Variants in SLC25A21 observed in about 807,000 individuals in gnomAD.
The protein encoded by SLC25A21 is solute carrier family 25 member 21.
In SLC25A21, 47 loss-of-function variants were observed where a neutral mutation model predicts 43.8. That is an observed-to-expected ratio of 1.07 (90% CI 0.85 to 1.37). SLC25A21 has a LOEUF of 1.37. Ranked by LOEUF, SLC25A21 falls within the 40% of genes most tolerant of loss-of-function variation. The pLI, the probability that SLC25A21 is intolerant of heterozygous loss-of-function variation, is 0.00. For synonymous variants in SLC25A21, 131 were observed against 121.3 expected (o/e 1.08, Z -0.52); for missense variants, 352 against 350.2 (o/e 1.00, Z -0.04).
intron 2 of SLC25A21, among the ~76,000 whole-genome samples, chr14:36,847,647 T>A (rs565428047): frequency 1.3e-5 from 2 of 152,106 alleles, no homozygotes; most frequent in South Asian, 4.2e-4. Flanking sequence ...GGGAGGTGGA[T>A]TTCTATGTTC....
intron 7 of SLC25A21, among the ~76,000 whole-genome samples, chr14:36,688,821 G>A (rs935752485): frequency 1.3e-5 from 2 of 152,202 alleles, no homozygotes; most frequent in African/African-American, 2.4e-5. Flanking sequence ...TTTGAGGTAC[G>A]AACTATTATT....
intron 1 of SLC25A21, among the ~76,000 whole-genome samples, chr14:37,127,064 T>C (rs921603281): frequency 6.6e-6 from 1 of 152,134 alleles, no homozygotes. Context: ...CTGAGAGCAC[T>C]GGGTTCACCT....
intron 1 of SLC25A21, among the ~76,000 whole-genome samples, chr14:36,948,789 C>A (rs1054830321): frequency 6.6e-6 from 1 of 151,898 alleles, no homozygotes; most frequent in Non-Finnish European, 1.5e-5. Context: ...ATGTAAAAGA[C>A]CTCATTAATA....
chr14:36,854,837 C>G (rs1361731582), intron 2 of SLC25A21, among the ~76,000 whole-genome samples: 1 of 151,390 alleles, frequency 6.6e-6, no homozygotes, highest in Admixed American at 6.6e-5. Flanking sequence ...GATGGTCATA[C>G]AGTTCAGATG....
intron 3 of SLC25A21, among the ~76,000 whole-genome samples, chr14:36,752,398 A>G (rs1885743538): frequency 6.6e-6 from 1 of 152,234 alleles, no homozygotes; most frequent in Non-Finnish European, 1.5e-5. Context: ...ACTTCTGGGT[A>G]TATACCCACA....
chr14:36,786,045 C>G (rs938976188), intron 3 of SLC25A21, among the ~76,000 whole-genome samples: 2 of 152,164 alleles, frequency 1.3e-5, no homozygotes, highest in Non-Finnish European at 1.5e-5. Flanking sequence ...CAGATCCTGC[C>G]CATGGGTTTG....
chr14:37,057,539 T>C (rs534753172), intron 1 of SLC25A21, among the ~76,000 whole-genome samples: 4 of 152,300 alleles, frequency 2.6e-5, no homozygotes, highest in Admixed American at 6.5e-5. Context: ...GTTAAATCAT[T>C]AGACATTCAG....
chr14:37,050,709 G>T (rs1566843364), intron 1 of SLC25A21, among the ~76,000 whole-genome samples: 1 of 152,140 alleles, frequency 6.6e-6, no homozygotes. Flanking sequence ...TCTCTTCCTT[G>T]CTAATACTCA....
intron 2 of SLC25A21, among the ~76,000 whole-genome samples, chr14:36,831,914 G>A (rs574481967): frequency 6.6e-6 from 1 of 152,216 alleles, no homozygotes; most frequent in Non-Finnish European, 1.5e-5. Flanking sequence ...CTTTTCCTTC[G>A]AGCTATTTTA....
At chr14:36,946,745 G>C (rs1256953239) in intron 1 of SLC25A21, among the ~76,000 whole-genome samples, 1 of 152,148 alleles carries the variant, frequency 6.6e-6, no homozygotes, top group African/African-American at 2.4e-5. Context: ...TTCAGTGAAT[G>C]ATGGCCACCC....
chr14:36,999,212 C>T (rs1298071486), intron 1 of SLC25A21, among the ~76,000 whole-genome samples: 2 of 152,044 alleles, frequency 1.3e-5, no homozygotes, highest in East Asian at 3.9e-4. Context: ...AAGAAATGAG[C>T]TATCAAGCCA....
chr14:36,908,731 G>A (rs1449973702), intron 1 of SLC25A21, among the ~76,000 whole-genome samples: 1 of 152,214 alleles, frequency 6.6e-6, no homozygotes, highest in Non-Finnish European at 1.5e-5. Flanking sequence ...GCTCAGGGCA[G>A]AGCACAGAGT....
At chr14:36,744,999 T>C (rs1256769979) in intron 3 of SLC25A21, among the ~76,000 whole-genome samples, 3 of 151,758 alleles carry the variant, frequency 2.0e-5, no homozygotes, top group Non-Finnish European at 2.9e-5. Context: ...CCTAATGCTA[T>C]CCCTCCCCAG....
intron 1 of SLC25A21, among the ~76,000 whole-genome samples, chr14:36,927,291 A>C (rs1892158370): frequency 6.6e-6 from 1 of 152,236 alleles, no homozygotes; most frequent in African/African-American, 2.4e-5. Flanking sequence ...GACAATGAAA[A>C]CCAATTCAAA....
intron 1 of SLC25A21, among the ~76,000 whole-genome samples, chr14:36,999,545 C>A (rs1268385077): frequency 6.6e-6 from 1 of 152,074 alleles, no homozygotes; most frequent in African/African-American, 2.4e-5. Flanking sequence ...GTAGGTTCAT[C>A]AATTGTAACA....
chr14:37,030,479 A>G (rs116916930), intron 1 of SLC25A21, among the ~76,000 whole-genome samples: 71 of 152,330 alleles, frequency 4.7e-4, no homozygotes, highest in Non-Finnish European at 9.3e-4. Context: ...CCACATCTTC[A>G]TGAGTTCCAG....
At chr14:37,044,952 A>G (rs1418254652) in intron 1 of SLC25A21, among the ~76,000 whole-genome samples, 1 of 152,176 alleles carries the variant, frequency 6.6e-6, no homozygotes, top group East Asian at 1.9e-4. Flanking sequence ...TCTTTTCAAA[A>G]TATTTTAGTG....
chr14:36,916,958 T>C (rs1891848545), intron 1 of SLC25A21, among the ~76,000 whole-genome samples: 1 of 152,142 alleles, frequency 6.6e-6, no homozygotes, highest in Non-Finnish European at 1.5e-5. Flanking sequence ...ATCCTAGATG[T>C]CCTTGCTCTT....
chr14:37,029,316 C>A (rs1325658806), intron 1 of SLC25A21, among the ~76,000 whole-genome samples: 1 of 152,150 alleles, frequency 6.6e-6, no homozygotes, highest in Non-Finnish European at 1.5e-5. Context: ...TCTTAGCAGT[C>A]TGCAATCCAA....
Sources: allele counts gnomAD v4.1 joint callset (sites outside exome capture counted in the v4.1 genomes callset), GRCh38; gene constraint gnomAD v4.1.1; transcripts MANE v1.5; gene names NCBI Gene and HGNC (gene_info 2026-07-23, HGNC 2026-07-21).